Variants in KCNC2 observed in about 807,000 individuals in gnomAD.
The protein encoded by KCNC2 is potassium voltage-gated channel subfamily C member 2, also known as voltage-gated potassium channel KCNC2.
Under a neutral mutation model 44.5 loss-of-function variants are expected in KCNC2, and 21 were observed. The ratio of observed to expected loss-of-function variants is 0.47; its 90% CI spans 0.33 to 0.68. KCNC2 has a LOEUF of 0.68. Ranked by LOEUF, KCNC2 falls within the 30% of genes least tolerant of loss-of-function variation. The pLI is 0.01. For missense variants in KCNC2, 589 were observed against 826.2 expected, an observed-to-expected ratio of 0.71 and a Z score of 3.52; for synonymous variants, 391 against 339.1, an observed-to-expected ratio of 1.15 and a Z score of -1.68.
At chr12:75,118,722 A>G (rs1414765451) in intron 2 of KCNC2, among the ~76,000 whole-genome samples, 1 of 152,216 alleles carries the variant, frequency 6.6e-6, no homozygotes, top group African/African-American at 2.4e-5. Flanking sequence ...TAGAAAACTT[A>G]ATGCAGCTAA....
At chr12:75,085,876 A>T (rs1884953551) in intron 2 of KCNC2, among the ~76,000 whole-genome samples, 1 of 152,042 alleles carries the variant, frequency 6.6e-6, no homozygotes, top group Non-Finnish European at 1.5e-5. Context: ...ATGACTTTAG[A>T]GCTGTGTCAT....
In KCNC2 at chr12:75,073,667, G is replaced by A. The variant is rs59313338; in HGVS notation, c.688-22350C>T. ...TATGTGCAATTAAGATATCTGCTTCGTAGGGGAAGAATATAAAATAAAATA... is the reference window on the plus strand; with the variant it reads ...TATGTGCAATTAAGATATCTGCTTCATAGGGGAAGAATATAAAATAAAATA... On this transcript the variant is annotated intron_variant, in intron 2 of 4. Coordinates refer to ENST00000549446, the MANE Select transcript of KCNC2 (RefSeq NM_139137.4). 4.1e-3 allele frequency among the ~76,000 whole-genome samples: 621 copies of A among 152,094 alleles called. 5 individuals are homozygous for A. The highest frequency in any genetic ancestry group is 0.013 in the African/African-American group (524 of 41,478).
At chr12:75,180,936 A>T (rs1248688091) in intron 2 of KCNC2, among the ~76,000 whole-genome samples, 1 of 152,146 alleles carries the variant, frequency 6.6e-6, no homozygotes. Flanking sequence ...TTTCCAAAAA[A>T]ATCAATTTCT....
intron 2 of KCNC2, among the ~76,000 whole-genome samples, chr12:75,137,819 T>C (rs1889341618): frequency 1.3e-5 from 2 of 152,328 alleles, no homozygotes; most frequent in South Asian, 4.1e-4. Flanking sequence ...TTCTTCAGCC[T>C]GGGAAGGAAC....
At chr12:75,180,881 A>C (rs548861679) in intron 2 of KCNC2, among the ~76,000 whole-genome samples, 2 of 152,216 alleles carry the variant, frequency 1.3e-5, no homozygotes, top group East Asian at 3.9e-4. Flanking sequence ...ATTTTTGGTA[A>C]CTTTCAATGT....
At chr12:75,146,142 G>A (rs549510984) in intron 2 of KCNC2, among the ~76,000 whole-genome samples, 3 of 151,986 alleles carry the variant, frequency 2.0e-5, no homozygotes, top group Non-Finnish European at 2.9e-5. Flanking sequence ...TTCTAGTAGA[G>A]ACGAGATTTC....
Position 75,141,232 on chromosome 12 carries a change from T to C in KCNC2, c.687+66065A>G, listed in dbSNP as rs1889629868. 2.0e-5 allele frequency among the ~76,000 whole-genome samples: 3 copies of C among 152,328 alleles called. No homozygotes were observed. The South Asian group carries it at 6.2e-4, about 32-fold the overall frequency. ...TTCAACCACTTTCACTGCACTCTTC[T>C]AAATTCTCTCAACAATGTCAATACC... On this transcript the variant is annotated intron_variant, in intron 2 of 4. Transcript: ENST00000549446.
intron 2 of KCNC2, among the ~76,000 whole-genome samples, chr12:75,081,739 A>G (rs1415881115): frequency 2.6e-5 from 4 of 152,036 alleles, no homozygotes; most frequent in Admixed American, 2.0e-4. Flanking sequence ...TGTACCTCAG[A>G]AAAAAAGTCA....
intron 2 of KCNC2, among the ~76,000 whole-genome samples, chr12:75,190,636 A>G (rs1350943916): frequency 6.6e-6 from 1 of 152,216 alleles, no homozygotes; most frequent in Non-Finnish European, 1.5e-5. Flanking sequence ...AATACAACAG[A>G]AAGATATCCT....
intron 2 of KCNC2, among the ~76,000 whole-genome samples, chr12:75,085,606 CAT>C (rs1441053227): frequency 4.6e-5 from 7 of 152,010 alleles, no homozygotes; most frequent in Non-Finnish European, 8.8e-5. Flanking sequence ...GGCGGGCTGA[CAT>C]ATTTGAAAGC....
intron 2 of KCNC2, among the ~76,000 whole-genome samples, chr12:75,102,515 A>C (rs549081257): frequency 1.3e-5 from 2 of 152,220 alleles, no homozygotes; most frequent in South Asian, 4.1e-4. Flanking sequence ...CAGCAGTGCA[A>C]ATGTTATCTG....
intron 2 of KCNC2, among the ~76,000 whole-genome samples, chr12:75,110,096 G>A (rs537236964): frequency 6.6e-6 from 1 of 151,882 alleles, no homozygotes; most frequent in Non-Finnish European, 1.5e-5. Context: ...GAAGGAAAAG[G>A]AACAGATGGA....
chr12:75,097,132 G>C (rs1053658267), intron 2 of KCNC2, among the ~76,000 whole-genome samples: 1 of 152,028 alleles, frequency 6.6e-6, no homozygotes, highest in Non-Finnish European at 1.5e-5. Context: ...ATATTGCTAA[G>C]TTAAAGAAGG....
intron 2 of KCNC2, among the ~76,000 whole-genome samples, chr12:75,098,176 T>C (rs1485250116): frequency 1.3e-5 from 2 of 152,172 alleles, no homozygotes; most frequent in African/African-American, 4.8e-5. Flanking sequence ...GATTATCCTG[T>C]GAATATTTTA....
intron 2 of KCNC2, among the ~76,000 whole-genome samples, chr12:75,129,475 T>C (rs1470071921): frequency 6.6e-6 from 1 of 152,184 alleles, no homozygotes; most frequent in Non-Finnish European, 1.5e-5. Context: ...CTTATCTTGT[T>C]CGTTCTAACT....
At position 75,041,239 on chromosome 12, in the gene KCNC2, A is replaced by T; in HGVS notation, c.*1866T>A. On this transcript the variant is annotated 3_prime_UTR_variant, in exon 5 of 5. Coordinates refer to ENST00000549446, the MANE Select transcript of KCNC2 (RefSeq NM_139137.4). ...CAATAACAGCAGCACCAGACAGCAT[A>T]TTAATTCTTTTACCATAAATTTGTG... 6.3e-7 allele frequency: 1 copy of T among 1,592,710 alleles called. No individual in the cohort carries two copies. The highest frequency in any genetic ancestry group is 8.5e-7 in the Non-Finnish European group (1 of 1,176,286).
At chr12:75,161,786 T>A (rs1358705056) in intron 2 of KCNC2, among the ~76,000 whole-genome samples, 4 of 151,654 alleles carry the variant, frequency 2.6e-5, no homozygotes, top group African/African-American at 9.7e-5. Flanking sequence ...ATTTTCTCAC[T>A]AAGAAAAAAC....
intron 2 of KCNC2, among the ~76,000 whole-genome samples, chr12:75,079,521 T>C (rs547854598): frequency 1.4e-4 from 21 of 152,278 alleles, no homozygotes; most frequent in African/African-American, 5.1e-4. Context: ...GCTAGTATAT[T>C]TGTGTATTTT....
chr12:75,184,817 C>A (rs1160658405), intron 2 of KCNC2, among the ~76,000 whole-genome samples: 1 of 152,000 alleles, frequency 6.6e-6, no homozygotes, highest in Non-Finnish European at 1.5e-5. Context: ...TACTTAAGTG[C>A]CTGCTTGTGA....
Sources: allele counts gnomAD v4.1 joint callset (sites outside exome capture counted in the v4.1 genomes callset), GRCh38; gene constraint gnomAD v4.1.1; transcripts MANE v1.5; gene names NCBI Gene and HGNC (gene_info 2026-07-23, HGNC 2026-07-21).